GPC5: variants seen among roughly 807,000 people sequenced by gnomAD.
GPC5 encodes the protein glypican 5, also known as glypican-5.
GPC5 carries 47 observed loss-of-function variants against 53.9 expected under a neutral mutation model. The observed-to-expected ratio is 0.87, with a 90% CI of 0.69 to 1.11. The LOEUF (loss-of-function observed/expected upper bound fraction) is 1.11. GPC5 is among the 50% of genes most tolerant of loss of function. GPC5 has a pLI of 0.00. For synonymous variants in GPC5, 286 were observed against 263.3 expected (o/e 1.09, Z -0.84); for missense variants, 748 against 713.1 (o/e 1.05, Z -0.56).
chr13:92,590,524 A>G (rs886902034), intron 7 of GPC5, among the ~76,000 whole-genome samples: 1 of 152,144 alleles, frequency 6.6e-6, no homozygotes, highest in South Asian at 2.1e-4. Flanking sequence ...TGCTTTTCTC[A>G]TGGTGGTTTA....
intron 7 of GPC5, among the ~76,000 whole-genome samples, chr13:92,860,640 T>A (rs751510530): frequency 2.6e-5 from 4 of 152,156 alleles, no homozygotes; most frequent in Non-Finnish European, 5.9e-5. Context: ...AGAATTAGTC[T>A]AGTAACTAGT....
intron 6 of GPC5, among the ~76,000 whole-genome samples, chr13:92,010,020 A>C (rs1022110307): frequency 2.6e-5 from 4 of 152,232 alleles, no homozygotes; most frequent in Admixed American, 2.6e-4. Flanking sequence ...AACAAAGGAA[A>C]TAATATAAAA....
At chr13:92,715,307 T>G (rs1316919172) in intron 7 of GPC5, among the ~76,000 whole-genome samples, 1 of 152,192 alleles carries the variant, frequency 6.6e-6, no homozygotes, top group Non-Finnish European at 1.5e-5. Flanking sequence ...ACTGTAAGAT[T>G]GAAAAACTCT....
At chr13:92,612,569 G>T (rs1217537656) in intron 7 of GPC5, among the ~76,000 whole-genome samples, 2 of 152,034 alleles carry the variant, frequency 1.3e-5, no homozygotes, top group African/African-American at 4.8e-5. Flanking sequence ...CACAGTTAGT[G>T]TTATTTCTTG....
intron 5 of GPC5, among the ~76,000 whole-genome samples, chr13:91,826,639 TTTAAA>T (rs796844772): frequency 1.3e-4 from 20 of 152,178 alleles, no homozygotes; most frequent in African/African-American, 4.6e-4. Flanking sequence ...GACATCAAAG[TTTAAA>T]TTAAAGTCAG....
chr13:92,455,792 T>A (rs1878241487), intron 7 of GPC5, among the ~76,000 whole-genome samples: 1 of 152,222 alleles, frequency 6.6e-6, no homozygotes, highest in Admixed American at 6.6e-5. Context: ...CATCTGTCAT[T>A]GCCATGTCTC....
At chr13:92,150,857 A>G (rs2041902067) in intron 7 of GPC5, among the ~76,000 whole-genome samples, 1 of 151,664 alleles carries the variant, frequency 6.6e-6, no homozygotes, top group African/African-American at 2.4e-5. Flanking sequence ...GAACAACACA[A>G]TGCTAAGTGT....
At chr13:92,724,910 AC>A (rs1380561518) in intron 7 of GPC5, among the ~76,000 whole-genome samples, 12 of 144,752 alleles carry the variant, frequency 8.3e-5, no homozygotes, top group African/African-American at 3.2e-4. Flanking sequence ...ACACACACAC[AC>A]AAGAAAGAAA....
chr13:92,444,298 C>A (rs1274905634), intron 7 of GPC5, among the ~76,000 whole-genome samples: 1 of 152,034 alleles, frequency 6.6e-6, no homozygotes, highest in African/African-American at 2.4e-5. Context: ...CTGCAGAAAT[C>A]AAAAGAGTCA....
intron 7 of GPC5, among the ~76,000 whole-genome samples, chr13:92,523,875 G>C (rs1196271294): frequency 6.6e-6 from 1 of 152,032 alleles, no homozygotes; most frequent in Non-Finnish European, 1.5e-5. Context: ...AGTCAATTAA[G>C]TGTGCGATAC....
chr13:92,725,998 T>C (rs935896153), intron 7 of GPC5, among the ~76,000 whole-genome samples: 1 of 151,658 alleles, frequency 6.6e-6, no homozygotes, highest in African/African-American at 2.4e-5. Context: ...CCAGCACTGA[T>C]GCACCATCCT....
At chr13:92,619,296 C>T (rs184492363) in intron 7 of GPC5, among the ~76,000 whole-genome samples, 2 of 151,884 alleles carry the variant, frequency 1.3e-5, no homozygotes, top group African/African-American at 2.4e-5. Flanking sequence ...TCTTCATAGC[C>T]TTGATAACTT....
At chr13:92,794,350 C>T (rs1223277977) in intron 7 of GPC5, among the ~76,000 whole-genome samples, 3 of 152,128 alleles carry the variant, frequency 2.0e-5, no homozygotes, top group Non-Finnish European at 4.4e-5. Flanking sequence ...ATGATAAAAA[C>T]TCTCAATAAA....
chr13:92,208,298 G>T (rs1407789747), intron 7 of GPC5, among the ~76,000 whole-genome samples: 1 of 152,158 alleles, frequency 6.6e-6, no homozygotes, highest in African/African-American at 2.4e-5. Flanking sequence ...CCCCATATGG[G>T]TATCCATTTA....
intron 7 of GPC5, among the ~76,000 whole-genome samples, chr13:92,205,801 C>T (rs1035759520): frequency 2.0e-5 from 3 of 152,142 alleles, no homozygotes; most frequent in African/African-American, 7.2e-5. Flanking sequence ...AATCCTAGCA[C>T]TTTCGGAGGC....
intron 2 of GPC5, among the ~76,000 whole-genome samples, chr13:91,474,536 A>G (rs943653455): frequency 4.6e-5 from 7 of 152,106 alleles, no homozygotes; most frequent in African/African-American, 1.7e-4. Context: ...AGAGTCTGAT[A>G]TATATGATTA....
At chr13:91,683,318 C>A (rs911134392) in intron 2 of GPC5, among the ~76,000 whole-genome samples, 1 of 152,146 alleles carries the variant, frequency 6.6e-6, no homozygotes, top group Non-Finnish European at 1.5e-5. Flanking sequence ...CCAGACCACA[C>A]CTTGATTTCA....
intron 7 of GPC5, among the ~76,000 whole-genome samples, chr13:92,793,439 T>C (rs1876541095): frequency 6.6e-6 from 1 of 151,858 alleles, no homozygotes; most frequent in Non-Finnish European, 1.5e-5. Flanking sequence ...AGCAGAAAGA[T>C]CTAAAATCGA....
At position 92,091,013 on chromosome 13, in the gene GPC5, C is replaced by T. The variant is rs531263423; in HGVS notation, c.1402-53817C>T. Among the ~76,000 whole-genome samples, 13 of 152,244 alleles carry T rather than the reference C, an allele frequency of 8.5e-5. 1 individual carries two copies. In the South Asian group the frequency reaches 1.5e-3, roughly 17 times the overall value. On this transcript the variant is annotated intron_variant, in intron 6 of 7. Transcript: ENST00000377067. ...GGCAGGAGCCTGTAGTCTAAAAAGG[C>T]AGCTTTCACGAGGGACTGAATCTGC...
Sources: allele counts gnomAD v4.1 joint callset (sites outside exome capture counted in the v4.1 genomes callset), GRCh38; gene constraint gnomAD v4.1.1; transcripts MANE v1.5; gene names NCBI Gene and HGNC (gene_info 2026-07-23, HGNC 2026-07-21).